Variants in PRKG1 observed in about 807,000 individuals in gnomAD.
The protein encoded by PRKG1 is protein kinase cGMP-dependent 1, also known as cGMP-dependent protein kinase 1.
Under a neutral mutation model 88.1 loss-of-function variants are expected in PRKG1, and 35 were observed. The ratio of observed to expected loss-of-function variants is 0.40; its 90% CI spans 0.30 to 0.53. The LOEUF is 0.53. PRKG1 is among the 20% of genes least tolerant of loss of function. PRKG1 has a pLI of 0.59. For synonymous variants in PRKG1, 303 were observed against 292.5 expected, an observed-to-expected ratio of 1.04 and a Z score of -0.37; for missense variants, 540 against 839.8, an observed-to-expected ratio of 0.64 and a Z score of 4.41.
At chr10:51,615,194 C>G (rs1839017105) in intron 3 of PRKG1, among the ~76,000 whole-genome samples, 1 of 152,008 alleles carries the variant, frequency 6.6e-6, no homozygotes, top group Non-Finnish European at 1.5e-5. Context: ...GCTAATAAAT[C>G]TGCTGTTAGG....
chr10:51,962,756 G>A (rs559695571), intron 5 of PRKG1, among the ~76,000 whole-genome samples: 8 of 152,282 alleles, frequency 5.3e-5, no homozygotes, highest in African/African-American at 1.9e-4. Context: ...AGCTCCTGAT[G>A]TGGAGTGGCT....
rs967301766 is a variant in PRKG1, at chr10:51,518,902, G to C, written c.592+51066G>C. ...TCTCATGGTTCTGCTATTATTCTTA[G>C]CTATAAGGATTTGAAGGGGAAATGT... is the stretch of plus-strand genomic sequence containing the variant. On this transcript the variant is annotated intron_variant, in intron 3 of 17. Transcript: ENST00000373980. 4.3e-4 allele frequency among the ~76,000 whole-genome samples: 66 copies of C among 152,116 alleles called. 4 individuals are homozygous for C. The highest frequency in any genetic ancestry group is 4.4e-5 in the Non-Finnish European group (3 of 68,032).
At chr10:51,524,602 G>T (rs73339923) in intron 3 of PRKG1, among the ~76,000 whole-genome samples, 81 of 152,154 alleles carry the variant, frequency 5.3e-4, no homozygotes, top group African/African-American at 1.9e-3. Context: ...ACAAACACAG[G>T]CAAGTTACTG....
intron 12 of PRKG1, among the ~76,000 whole-genome samples, chr10:52,273,729 G>T (rs1841793147): frequency 6.6e-6 from 1 of 152,046 alleles, no homozygotes; most frequent in South Asian, 2.1e-4. Flanking sequence ...ATGTAATCAT[G>T]TTGGCATTAG....
intron 4 of PRKG1, among the ~76,000 whole-genome samples, chr10:51,808,930 G>T (rs1839379364): frequency 6.6e-6 from 1 of 152,094 alleles, no homozygotes; most frequent in African/African-American, 2.4e-5. Context: ...TTCAGGAGCT[G>T]CCACAGGCTA....
At chr10:51,222,220 A>G (rs1453322921) in intron 2 of PRKG1, among the ~76,000 whole-genome samples, 1 of 148,840 alleles carries the variant, frequency 6.7e-6, no homozygotes, top group Non-Finnish European at 1.5e-5. Flanking sequence ...ATTGGATTGT[A>G]GTGGAGAAAG....
chr10:52,212,598 G>T (rs904973517), intron 9 of PRKG1, among the ~76,000 whole-genome samples: 2 of 151,582 alleles, frequency 1.3e-5, no homozygotes, highest in African/African-American at 4.8e-5. Context: ...TGGCTGTTGG[G>T]GGGAGAGGGG....
intron 3 of PRKG1, among the ~76,000 whole-genome samples, chr10:51,671,213 A>C (rs751130584): frequency 6.6e-6 from 1 of 152,246 alleles, no homozygotes; most frequent in Non-Finnish European, 1.5e-5. Context: ...TTCAGTTAGC[A>C]TGTGAAAGAT....
At chr10:51,018,887 T>A (rs1843100719) in intron 1 of PRKG1, among the ~76,000 whole-genome samples, 1 of 152,222 alleles carries the variant, frequency 6.6e-6, no homozygotes, top group Non-Finnish European at 1.5e-5. Context: ...GATTGGTAAT[T>A]ATGCATTTAT....
intron 9 of PRKG1, among the ~76,000 whole-genome samples, chr10:52,193,188 C>CT (rs980825614): frequency 1.3e-5 from 2 of 152,012 alleles, no homozygotes; most frequent in African/African-American, 4.8e-5. Context: ...CAACAGGAAG[C>CT]TTTTTTCTCT....
chr10:52,154,544 A>G (rs1012913428), intron 8 of PRKG1, among the ~76,000 whole-genome samples: 1 of 152,244 alleles, frequency 6.6e-6, no homozygotes, highest in Non-Finnish European at 1.5e-5. Flanking sequence ...ATAAATATTT[A>G]AGATAGAATA....
chr10:51,660,117 T>C, intron 3 of PRKG1, among the ~76,000 whole-genome samples: 1 of 116,758 alleles, frequency 8.6e-6, no homozygotes. Flanking sequence ...AAAGAAGGCC[T>C]AGGGAAGGGA....
At chr10:51,507,811 G>T (rs1265288862) in intron 3 of PRKG1, among the ~76,000 whole-genome samples, 1 of 152,090 alleles carries the variant, frequency 6.6e-6, no homozygotes, top group East Asian at 1.9e-4. Flanking sequence ...CATCGAAGAT[G>T]TTCTCCCTGA....
chr10:51,745,215 T>A (rs896228668), intron 3 of PRKG1, among the ~76,000 whole-genome samples: 1 of 152,240 alleles, frequency 6.6e-6, no homozygotes, highest in Non-Finnish European at 1.5e-5. Context: ...TGTTGATATA[T>A]TCTGGCCAAT....
At chr10:51,895,031 A>G (rs1451517939) in intron 4 of PRKG1, among the ~76,000 whole-genome samples, 1 of 152,168 alleles carries the variant, frequency 6.6e-6, no homozygotes, top group Non-Finnish European at 1.5e-5. Flanking sequence ...TGAGAATTAT[A>G]GGGATAATAG....
chr10:51,096,445 A>C (rs1285416790), intron 1 of PRKG1, among the ~76,000 whole-genome samples: 3 of 152,166 alleles, frequency 2.0e-5, no homozygotes. Context: ...GTTTTCTTGT[A>C]TGGGCTCTGG....
intron 5 of PRKG1, among the ~76,000 whole-genome samples, chr10:51,964,336 C>G (rs1045032822): frequency 1.3e-5 from 2 of 152,214 alleles, no homozygotes; most frequent in Non-Finnish European, 2.9e-5. Context: ...TTCTGCCTAA[C>G]ACAGATGCTT....
chr10:51,580,207 G>A (rs10998318), intron 3 of PRKG1, among the ~76,000 whole-genome samples: 2 of 152,152 alleles, frequency 1.3e-5, no homozygotes, highest in Admixed American at 6.5e-5. Context: ...TATCCATGCT[G>A]TTATGTGTAT....
Position 51,566,927 on chromosome 10 carries a change from T to TA in PRKG1, c.592+99101dup, listed in dbSNP as rs796460673. ...CAATATATAGACACATACACACACA[T>TA]AAAAAAAAAAGAGAGAGAGAGAAAG... On this transcript the variant is annotated intron_variant, in intron 3 of 17. Transcript: ENST00000373980. 6.1e-3 allele frequency among the ~76,000 whole-genome samples: 830 copies of TA among 135,852 alleles called. 9 individuals are homozygous for TA. The highest frequency in any genetic ancestry group is 0.022 in the African/African-American group (742 of 34,288). 89.1% of individuals were successfully genotyped at this position (135,852 alleles called of 152,430 possible). A position where few individuals can be genotyped will look rare whatever the true frequency, so the allele number is the denominator to read the frequency against.
Sources: gnomAD v4.1 joint callset for allele counts (sites outside exome capture counted in the v4.1 genomes callset) on GRCh38, gnomAD v4.1.1 for gene constraint, MANE v1.5 for transcripts, NCBI Gene and HGNC (gene_info 2026-07-23, HGNC 2026-07-21) for gene names.